FBXO31: variants seen among roughly 807,000 people sequenced by gnomAD.
The protein encoded by FBXO31 is F-box protein 31.
FBXO31 carries 24 observed loss-of-function variants against 54.4 expected under a neutral mutation model. That is an observed-to-expected ratio of 0.44 (90% CI 0.32 to 0.62). The LOEUF (loss-of-function observed/expected upper bound fraction) is 0.62, where lower values mean the gene tolerates loss of function less well. Among genes scored for constraint, FBXO31 ranks in the 20% least tolerant of loss-of-function variants. FBXO31 has a pLI of 0.05. For synonymous variants in FBXO31, 388 were observed against 335.6 expected, an observed-to-expected ratio of 1.16 and a Z score of -1.71; for missense variants, 665 against 787.1, an observed-to-expected ratio of 0.84 and a Z score of 1.86.
chr16:87,340,558 A>T (rs760327289), intron 5 of FBXO31, among the ~76,000 whole-genome samples: 2 of 152,268 alleles, frequency 1.3e-5, no homozygotes, highest in East Asian at 3.8e-4. Flanking sequence ...AGAGAAAAAT[A>T]AAAGCATGAG....
intron 1 of FBXO31, among the ~76,000 whole-genome samples, chr16:87,382,549 C>T (rs1469360155): frequency 6.6e-6 from 1 of 152,208 alleles, no homozygotes; most frequent in Non-Finnish European, 1.5e-5. Context: ...AAAGTCCAGC[C>T]CGCACCGCTG....
intron 1 of FBXO31, among the ~76,000 whole-genome samples, chr16:87,373,790 T>C (rs1047949936): frequency 6.6e-6 from 1 of 152,222 alleles, no homozygotes; most frequent in Non-Finnish European, 1.5e-5. Context: ...ATAGCTCTCA[T>C]ACTGTGCATC....
At position 87,376,604 on chromosome 16, in the gene FBXO31, A is replaced by G. The variant is rs138596892; in HGVS notation, c.340+6801T>C. ...TATTAAATGGCAGAAAGTATTCAAC[A>G]TCTGTGAAAAGAAGAAAATAAACAC... On this transcript the variant is annotated intron_variant, in intron 1 of 8. Transcript: ENST00000311635. Among the ~76,000 whole-genome samples the G allele has an allele frequency of 5.1e-3, 781 of 152,324 alleles. 7 individuals carry two copies. Among genetic ancestry groups the G allele is most frequent in the African/African-American group, 0.018 (759 of 41,560 alleles).
intron 1 of FBXO31, among the ~76,000 whole-genome samples, chr16:87,373,408 C>T (rs545593951): frequency 1.3e-5 from 2 of 151,960 alleles, no homozygotes; most frequent in African/African-American, 4.8e-5. Context: ...GCCGAGATCG[C>T]GCCACTGCAC....
chr16:87,348,339 C>T (rs1905485632), intron 2 of FBXO31, among the ~76,000 whole-genome samples: 1 of 152,238 alleles, frequency 6.6e-6, no homozygotes. Context: ...TGCTAAATGC[C>T]TGATGAAGTC....
At position 87,383,386 on chromosome 16, in the gene FBXO31, GC is replaced by G. The variant is rs1259350148; in HGVS notation, c.340+18del. 1.7e-5 allele frequency: 15 copies of G among 897,292 alleles called. No individual in the cohort carries two copies. The highest frequency in any genetic ancestry group is 9.9e-5 in the Admixed American group (3 of 30,336). The allele number at this position is 897,292 out of a possible 1,614,324, so 55.6% of individuals were successfully genotyped here. A position where few individuals can be genotyped will look rare whatever the true frequency, so the allele number is the denominator to read the frequency against. On this transcript the variant is annotated intron_variant, in intron 1 of 8. Coordinates refer to ENST00000311635, the MANE Select transcript of FBXO31 (RefSeq NM_024735.5). The surrounding 1 kb of genome is among the most constrained non-coding windows in gnomAD (Gnocchi z 4.9). The stretch of plus-strand genomic sequence containing the variant: ...GGGACCCCCCGCCCCTCCCGGCCCC[GC>G]CACCCCCGCGCGCTCACCCTCACGG...
chr16:87,362,695 G>C (rs1054770501), intron 1 of FBXO31: 1 of 152,194 alleles, frequency 6.6e-6, no homozygotes, highest in African/African-American at 2.4e-5. Context: ...TGAGTAGCTG[G>C]GCCTACAGGC....
At chr16:87,388,798 T>C (rs369537862) in intron 1 of FBXO31, 1 of 152,226 alleles carries the variant, frequency 6.6e-6, no homozygotes, top group Non-Finnish European at 1.5e-5. Context: ...TGCTGGACTT[T>C]GAAGAATGAA....
intron 5 of FBXO31, among the ~76,000 whole-genome samples, chr16:87,341,418 GGCC>G (rs991259982): frequency 1.3e-5 from 2 of 152,124 alleles, no homozygotes; most frequent in African/African-American, 4.8e-5. Flanking sequence ...CACTTTGGGA[GGCC>G]GAGATGGGTG....
At chr16:87,367,655 T>C (rs1318400167) in intron 1 of FBXO31, 2 of 152,264 alleles carry the variant, frequency 1.3e-5, no homozygotes, top group African/African-American at 4.8e-5. Flanking sequence ...CCAGTGCACA[T>C]GACACCTCAC....
Position 87,331,114 on chromosome 16 carries a change from G to T in FBXO31, c.*174C>A. 1 of 615,062 alleles carries T rather than the reference G, an allele frequency of 1.6e-6. No individual in the cohort carries two copies. 38.1% of individuals were successfully genotyped at this position (615,062 alleles called of 1,614,324 possible). The stretch of plus-strand genomic sequence containing the variant: ...CCATCATGGCACTGACAAATATGCA[G>T]GTCTATGTCACACTCTCTACATAAA... On this transcript the variant is annotated 3_prime_UTR_variant, in exon 9 of 9. Transcript: ENST00000311635.
intron 1 of FBXO31, among the ~76,000 whole-genome samples, chr16:87,369,626 C>G (rs1031387468): frequency 3.9e-5 from 6 of 152,202 alleles, no homozygotes; most frequent in African/African-American, 1.4e-4. Flanking sequence ...AATAAAACTG[C>G]TTCAGACATA....
Position 87,331,516 on chromosome 16 carries a change from C to G in FBXO31, c.1398-6G>C. ...TGAGGCCTGTGCCATAAAAACTGAG[C>G]AGAAACAAGAGGGAAACTGTGAGCT... On this transcript the variant is annotated splice_region_variant and splice_polypyrimidine_tract_variant and intron_variant, in intron 8 of 8. Transcript: ENST00000311635. The G allele has an allele frequency of 6.3e-7, 1 of 1,591,426 alleles. No individual in the cohort carries two copies. The highest frequency in any genetic ancestry group is 8.6e-7 in the Non-Finnish European group (1 of 1,164,492).
At position 87,374,093 on chromosome 16, in the gene FBXO31, G is replaced by A. The variant is rs146274191; in HGVS notation, c.340+9312C>T. Among the ~76,000 whole-genome samples, 386 of 152,164 alleles carry A rather than the reference G, an allele frequency of 2.5e-3. 1 individual carries two copies. Among genetic ancestry groups the A allele is most frequent in the East Asian group, 0.016 (81 of 5,170 alleles). ...CATCTCTACAAAAAATACAAAAAATGTAGCCAGGTGTGGTGGCACATGCCT... is the reference window on the plus strand; with the variant it reads ...CATCTCTACAAAAAATACAAAAAATATAGCCAGGTGTGGTGGCACATGCCT... On this transcript the variant is annotated intron_variant, in intron 1 of 8. Coordinates refer to ENST00000311635, the MANE Select transcript of FBXO31 (RefSeq NM_024735.5).
upstream of FBXO31, among the ~76,000 whole-genome samples, chr16:87,384,396 G>A (rs966723241): frequency 6.6e-6 from 1 of 152,196 alleles, no homozygotes; most frequent in Non-Finnish European, 1.5e-5. Flanking sequence ...CCCGGGGAGG[G>A]CTTGGAGGGG....
At chr16:87,348,028 A>G (rs1905470613) in intron 2 of FBXO31, among the ~76,000 whole-genome samples, 1 of 152,158 alleles carries the variant, frequency 6.6e-6, no homozygotes, top group Non-Finnish European at 1.5e-5. Context: ...TCACTTCCTG[A>G]GCAGCTCCAG....
At chr16:87,374,985 C>A (rs1168146398) in intron 1 of FBXO31, among the ~76,000 whole-genome samples, 4 of 152,126 alleles carry the variant, frequency 2.6e-5, no homozygotes, top group African/African-American at 9.7e-5. Context: ...GAGTTCAAGA[C>A]TAGCCTGGCC....
rs1905394075 is a variant in FBXO31 at position 87,346,526 on chromosome 16, C to A, written c.489+648G>T. Among the ~76,000 whole-genome samples the A allele has an allele frequency of 6.6e-6, 1 of 152,218 alleles. No individual in the cohort carries two copies. Among genetic ancestry groups the A allele is most frequent in the Non-Finnish European group, 1.5e-5 (1 of 68,040 alleles). On this transcript the variant is annotated intron_variant, in intron 3 of 8. Transcript: ENST00000311635. The surrounding 1 kb of genome is among the most constrained non-coding windows in gnomAD (Gnocchi z 4.2). The stretch of plus-strand genomic sequence containing the variant: ...ACTAGACAGGCACTGCCATGGCAGA[C>A]CCAACGAACAGGAAAGAAATGTCCT...
intron 1 of FBXO31, among the ~76,000 whole-genome samples, chr16:87,381,383 G>C (rs1482944075): frequency 6.6e-6 from 1 of 152,172 alleles, no homozygotes; most frequent in South Asian, 2.1e-4. Flanking sequence ...CCATTTAGGG[G>C]AGAGGGCTTC....
Sources: allele counts gnomAD v4.1 joint callset (sites outside exome capture counted in the v4.1 genomes callset), GRCh38; gene constraint gnomAD v4.1.1; non-coding constraint Gnocchi (gnomAD v3.1); transcripts MANE v1.5; gene names NCBI Gene and HGNC (gene_info 2026-07-23, HGNC 2026-07-21).